Variants in KIF18A observed in about 807,000 individuals in gnomAD.
KIF18A encodes the protein kinesin family member 18A.
A neutral mutation model predicts 103.3 loss-of-function variants in KIF18A; 67 were observed. That is an observed-to-expected ratio of 0.65 (90% CI 0.53 to 0.79). The LOEUF (loss-of-function observed/expected upper bound fraction) is 0.79. Ranked by LOEUF, KIF18A falls within the 30% of genes least tolerant of loss-of-function variation. KIF18A has a pLI of 0.00. For synonymous variants in KIF18A, 367 were observed against 355.5 expected (o/e 1.03, Z -0.36); for missense variants, 1,032 against 1,062.5 (o/e 0.97, Z 0.40).
intron 15 of KIF18A, among the ~76,000 whole-genome samples, chr11:28,026,849 T>C (rs1273784984): frequency 3.3e-5 from 5 of 151,774 alleles, no homozygotes; most frequent in Non-Finnish European, 5.9e-5. Context: ...AAACAGATGA[T>C]TGTGGTTAGC....
At chr11:28,089,619 G>T (rs1160272075) in intron 5 of KIF18A, among the ~76,000 whole-genome samples, 1 of 152,138 alleles carries the variant, frequency 6.6e-6, no homozygotes, top group Non-Finnish European at 1.5e-5. Context: ...CAGCTCTGTT[G>T]TAATCTTATG....
chr11:28,088,086 A>T (rs1238065359), intron 6 of KIF18A, among the ~76,000 whole-genome samples: 2 of 150,942 alleles, frequency 1.3e-5, no homozygotes, highest in African/African-American at 2.4e-5. Flanking sequence ...AACCCCCCTT[A>T]AAAAAAAATC....
chr11:28,064,247 C>T (rs1051570498), intron 11 of KIF18A, among the ~76,000 whole-genome samples: 1 of 151,804 alleles, frequency 6.6e-6, no homozygotes, highest in Non-Finnish European at 1.5e-5. Flanking sequence ...CAGGACGATA[C>T]GGCTAGAGTC....
intron 7 of KIF18A, 29 bp downstream of exon 7, chr11:28,084,603 C>T (rs369827049): frequency 2.4e-4 from 361 of 1,532,664 alleles, no homozygotes; most frequent in Non-Finnish European, 3.1e-4. Context: ...ACAATACCTT[C>T]ACAACAAAGG....
At chr11:28,051,277 T>C (rs1217015843) in intron 13 of KIF18A, among the ~76,000 whole-genome samples, 2 of 151,696 alleles carry the variant, frequency 1.3e-5, no homozygotes, top group East Asian at 3.9e-4. Flanking sequence ...TAGCATACTA[T>C]ATAAAAAAAA....
chr11:28,091,399 A>G lies in KIF18A; in HGVS notation c.588+10T>C. 7.0e-7 allele frequency: 1 copy of G among 1,431,394 alleles called. No individual in the cohort carries two copies. The allele number at this position is 1,431,394 out of a possible 1,614,324, so 88.7% of individuals were successfully genotyped here. A position where few individuals can be genotyped will look rare whatever the true frequency, so the allele number is the denominator to read the frequency against. On this transcript the variant is annotated intron_variant, in intron 4 of 16. Transcript: ENST00000263181. ...TATTCTAACAGGGAAAAAGATGTTTATATACATACCTGGTGTAAAGTAAGT... is the reference window on the plus strand; with the variant it reads ...TATTCTAACAGGGAAAAAGATGTTTGTATACATACCTGGTGTAAAGTAAGT...
intron 1 of KIF18A, among the ~76,000 whole-genome samples, chr11:28,105,262 C>A (rs1362474528): frequency 1.3e-5 from 2 of 152,116 alleles, no homozygotes; most frequent in Admixed American, 1.3e-4. Context: ...AGTCACACAA[C>A]TGAGGAAGCA....
chr11:28,028,908 C>A (rs535778146), intron 15 of KIF18A, among the ~76,000 whole-genome samples: 1 of 152,248 alleles, frequency 6.6e-6, no homozygotes, highest in African/African-American at 2.4e-5. Context: ...CACCTCTATG[C>A]AAATAAACTA....
chr11:28,057,748 A>G (rs1403785846), intron 13 of KIF18A, among the ~76,000 whole-genome samples: 2 of 152,166 alleles, frequency 1.3e-5, no homozygotes, highest in African/African-American at 4.8e-5. Flanking sequence ...GAATACACAG[A>G]TGTGTTCTCT....
At chr11:28,077,248 A>G in intron 9 of KIF18A, 79 bp from the exon 10 acceptor site, 2 of 963,702 alleles carry the variant, frequency 2.1e-6, no homozygotes, top group Admixed American at 2.7e-5. Context: ...AGAAATGCAT[A>G]AACAAAGGAA....
In KIF18A at chr11:28,091,527, G is replaced by T. The variant is rs759499123; in HGVS notation, c.484-14C>A. On this transcript the variant is annotated splice_polypyrimidine_tract_variant and intron_variant, in intron 3 of 16. Coordinates refer to ENST00000263181, the MANE Select transcript of KIF18A (RefSeq NM_031217.4). ...TTCATTATATACCTTAAAATAAAAA[G>T]AACTGCTTTAGCATTGATGTAAAAA... is the stretch of plus-strand genomic sequence containing the variant. 5 of 1,400,272 alleles carry T rather than the reference G, an allele frequency of 3.6e-6. No homozygotes were observed. The highest frequency in any genetic ancestry group is 5.0e-6 in the Non-Finnish European group (5 of 999,760). The allele number at this position is 1,400,272 out of a possible 1,614,324, so 86.7% of individuals were successfully genotyped here.
chr11:28,068,884 C>T (rs959903048), intron 11 of KIF18A, among the ~76,000 whole-genome samples: 1 of 152,088 alleles, frequency 6.6e-6, no homozygotes, highest in African/African-American at 2.4e-5. Context: ...AAAAATAAAA[C>T]CTTTTGCCAT....
intron 13 of KIF18A, among the ~76,000 whole-genome samples, chr11:28,044,373 T>TG (rs1414825026): frequency 1.2e-4 from 18 of 152,174 alleles, no homozygotes; most frequent in African/African-American, 3.9e-4. Context: ...CATCTGTAGG[T>TG]TCCCCCAGAT....
intron 13 of KIF18A, among the ~76,000 whole-genome samples, chr11:28,042,984 G>GT (rs1305906596): frequency 2.6e-5 from 4 of 151,816 alleles, no homozygotes. Context: ...ATCCCAAGGA[G>GT]TTAAGTAAAA....
intron 12 of KIF18A, 23 bp from the exon 13 acceptor site, chr11:28,059,184 A>C: frequency 2.0e-6 from 3 of 1,496,188 alleles, no homozygotes; most frequent in Non-Finnish European, 2.8e-6. Context: ...GATGAGAAGA[A>C]AGGAGAGATA....
intron 15 of KIF18A, among the ~76,000 whole-genome samples, chr11:28,025,852 G>A (rs2133483267): frequency 6.6e-6 from 1 of 151,910 alleles, no homozygotes; most frequent in South Asian, 2.1e-4. Flanking sequence ...CCTTATATAG[G>A]TAGAATGTTT....
intron 16 of KIF18A, among the ~76,000 whole-genome samples, chr11:28,023,190 C>T (rs969160455): frequency 6.6e-6 from 1 of 152,128 alleles, no homozygotes; most frequent in Non-Finnish European, 1.5e-5. Flanking sequence ...AAACTCATGT[C>T]ACTCCCATAT....
chr11:28,058,792 C>A, intron 13 of KIF18A, 134 bp downstream of exon 13: 1 of 606,622 alleles, frequency 1.6e-6, no homozygotes, highest in Non-Finnish European at 2.8e-6. Context: ...ATTGAAATGA[C>A]TATAAAGCTA....
chr11:28,083,536 T>A (rs1256862213), intron 7 of KIF18A, among the ~76,000 whole-genome samples: 1 of 152,142 alleles, frequency 6.6e-6, no homozygotes, highest in Non-Finnish European at 1.5e-5. Context: ...AGAGATAGTT[T>A]TTCATGCTAC....
Sources: allele counts gnomAD v4.1 joint callset (sites outside exome capture counted in the v4.1 genomes callset), GRCh38; gene constraint gnomAD v4.1.1; transcripts MANE v1.5; gene names NCBI Gene and HGNC (gene_info 2026-07-23, HGNC 2026-07-21).